Variants in ADAMTS19 observed in about 807,000 individuals in gnomAD.
ADAMTS19 encodes ADAM metallopeptidase with thrombospondin type 1 motif 19.
A neutral mutation model predicts 153.3 loss-of-function variants in ADAMTS19; 93 were observed. The ratio of observed to expected loss-of-function variants is 0.61; its 90% confidence interval spans 0.51 to 0.72. The LOEUF (loss-of-function observed/expected upper bound fraction) is 0.72. Ranked by LOEUF, ADAMTS19 falls within the 30% of genes least tolerant of loss-of-function variation. The pLI, the probability that ADAMTS19 is intolerant of heterozygous loss-of-function variation, is 0.00. For synonymous variants in ADAMTS19, 600 were observed against 556.6 expected (o/e 1.08, Z -1.10); for missense variants, 1,482 against 1,552.1 (o/e 0.95, Z 0.76).
intron 2 of ADAMTS19, among the ~76,000 whole-genome samples, chr5:129,472,538 G>A (rs923882446): frequency 3.9e-5 from 6 of 152,088 alleles, no homozygotes; most frequent in African/African-American, 7.2e-5. Context: ...TAATCAACAC[G>A]TTATACATGT....
At position 129,729,148 on chromosome 5, in the gene ADAMTS19, A is replaced by G. The variant is rs151188094; in HGVS notation, c.3313-5784A>G. 3.6e-3 allele frequency among the ~76,000 whole-genome samples: 553 copies of G among 152,204 alleles called. 3 individuals are homozygous for G. The highest frequency in any genetic ancestry group is 0.012 in the African/African-American group (498 of 41,562). On this transcript the variant is annotated intron_variant, in intron 21 of 22. Coordinates refer to ENST00000274487, the MANE Select transcript of ADAMTS19 (RefSeq NM_133638.6). Reference sequence around the variant, plus strand: ...ATCTACTACAATACCTTGTCTAACAAAAAGGAAAAATAAGTTTCAGGTAAA... The same window carrying G: ...ATCTACTACAATACCTTGTCTAACAGAAAGGAAAAATAAGTTTCAGGTAAA...
At chr5:129,608,092 G>A (rs1439511952) in intron 8 of ADAMTS19, among the ~76,000 whole-genome samples, 1 of 47,672 alleles carries the variant, frequency 2.1e-5, no homozygotes, top group African/African-American at 6.4e-5. Flanking sequence ...TTATATATAT[G>A]TGTGTGTGTG....
intron 8 of ADAMTS19, among the ~76,000 whole-genome samples, chr5:129,597,893 T>C (rs1357129215): frequency 1.6e-5 from 2 of 128,292 alleles, no homozygotes; most frequent in Non-Finnish European, 1.6e-5. Context: ...AGAGTGAGTC[T>C]CTATCTCAAA....
At chr5:129,505,569 C>G (rs1359986438) in intron 2 of ADAMTS19, among the ~76,000 whole-genome samples, 1 of 152,042 alleles carries the variant, frequency 6.6e-6, no homozygotes, top group African/African-American at 2.4e-5. Context: ...GTCAGCACAT[C>G]TACATGGAGA....
At chr5:129,719,760 G>T (rs1561668618) in intron 21 of ADAMTS19, among the ~76,000 whole-genome samples, 1 of 152,164 alleles carries the variant, frequency 6.6e-6, no homozygotes, top group African/African-American at 2.4e-5. Flanking sequence ...ACATTTATCA[G>T]CTGGGCGCAG....
intron 8 of ADAMTS19, among the ~76,000 whole-genome samples, chr5:129,611,894 C>G (rs1029807369): frequency 3.9e-5 from 6 of 152,224 alleles, no homozygotes; most frequent in Admixed American, 3.3e-4. Context: ...CAGCTGTTCT[C>G]TCCACAGAAA....
intron 7 of ADAMTS19, 122 bp downstream of exon 7, chr5:129,552,029 A>G: frequency 1.7e-6 from 1 of 598,620 alleles, no homozygotes; most frequent in Non-Finnish European, 2.8e-6. Context: ...TCAGACATAC[A>G]TATTTTCTAC....
chr5:129,652,795 T>G (rs769678269), intron 13 of ADAMTS19, among the ~76,000 whole-genome samples: 1 of 152,232 alleles, frequency 6.6e-6, no homozygotes, highest in Middle Eastern at 3.2e-3. Flanking sequence ...TGCTCTTCTC[T>G]TCAATGAAAA....
At chr5:129,692,707 CTA>C (rs769231322) in intron 18 of ADAMTS19, among the ~76,000 whole-genome samples, 39 of 152,226 alleles carry the variant, frequency 2.6e-4, no homozygotes, top group Non-Finnish European at 2.5e-4. Flanking sequence ...GGGGCCACCT[CTA>C]TGTGGAGGAT....
chr5:129,501,616 C>T lies in ADAMTS19; in HGVS notation c.748-7461C>T, dbSNP rs548850395. Among the ~76,000 whole-genome samples the T allele has an allele frequency of 1.6e-3, 236 of 152,164 alleles. 2 individuals are homozygous for T. Among genetic ancestry groups the T allele is most frequent in the African/African-American group, 5.3e-3 (219 of 41,522 alleles). ...CACAAAGGCAGTATGTGCTTGAAACCAGACAGCCTTTCATTTGAATCCTGT... is the reference window on the plus strand; with the variant it reads ...CACAAAGGCAGTATGTGCTTGAAACTAGACAGCCTTTCATTTGAATCCTGT... On this transcript the variant is annotated intron_variant, in intron 2 of 22. Coordinates refer to ENST00000274487, the MANE Select transcript of ADAMTS19 (RefSeq NM_133638.6).
At chr5:129,615,777 C>G (rs930675303) in intron 8 of ADAMTS19, among the ~76,000 whole-genome samples, 32 of 151,910 alleles carry the variant, frequency 2.1e-4, no homozygotes, top group African/African-American at 7.2e-4. Context: ...TGAAAAGGGG[C>G]AGATAAGTAA....
chr5:129,676,102 C>G (rs375685555), intron 16 of ADAMTS19, among the ~76,000 whole-genome samples: 1 of 152,022 alleles, frequency 6.6e-6, no homozygotes, highest in Non-Finnish European at 1.5e-5. Context: ...ATTCCTGGAC[C>G]TCTTTTTATT....
rs569861620 is a variant in ADAMTS19, at chr5:129,548,642, G to C, written c.1329-3222G>C. 6.4e-3 allele frequency among the ~76,000 whole-genome samples: 965 copies of C among 151,812 alleles called. 12 individuals carry two copies. Among genetic ancestry groups the C allele is most frequent in the African/African-American group, 0.022 (926 of 41,342 alleles). ...GCGATTCCTCAGGGATCTAGAACTA[G>C]AAATACCATTTGACCCAGCCATCCC... On this transcript the variant is annotated intron_variant, in intron 6 of 22. Transcript: ENST00000274487.
At chr5:129,481,882 A>G (rs1449534060) in intron 2 of ADAMTS19, among the ~76,000 whole-genome samples, 1 of 152,104 alleles carries the variant, frequency 6.6e-6, no homozygotes, top group East Asian at 1.9e-4. Context: ...TCTCCAGGAA[A>G]TTCCTTGAAG....
At chr5:129,506,596 T>C (rs143316666) in intron 2 of ADAMTS19, among the ~76,000 whole-genome samples, 51 of 152,152 alleles carry the variant, frequency 3.4e-4, no homozygotes, top group African/African-American at 1.1e-3. Flanking sequence ...GAAAATGTTA[T>C]GTAATGAAGA....
intron 6 of ADAMTS19, among the ~76,000 whole-genome samples, chr5:129,532,414 C>T (rs1488018893): frequency 1.3e-5 from 2 of 151,750 alleles, no homozygotes; most frequent in Non-Finnish European, 2.9e-5. Context: ...AAATTCACAC[C>T]CACTTGAAAG....
At chr5:129,602,294 T>G (rs536506346) in intron 8 of ADAMTS19, among the ~76,000 whole-genome samples, 68 of 152,318 alleles carry the variant, frequency 4.5e-4, no homozygotes, top group African/African-American at 1.6e-3. Flanking sequence ...TTTCTCCGTG[T>G]TGGTCGGGCT....
At chr5:129,536,296 A>C (rs1228868827) in intron 6 of ADAMTS19, among the ~76,000 whole-genome samples, 2 of 152,178 alleles carry the variant, frequency 1.3e-5, no homozygotes, top group Non-Finnish European at 2.9e-5. Context: ...ATGCAGCCAA[A>C]AGACACATGA....
At chr5:129,495,317 C>T (rs968687754) in intron 2 of ADAMTS19, among the ~76,000 whole-genome samples, 2 of 151,960 alleles carry the variant, frequency 1.3e-5, no homozygotes, top group African/African-American at 2.4e-5. Context: ...ACATTCATTG[C>T]CCTAATTTAG....
Sources: allele counts gnomAD v4.1 joint callset (sites outside exome capture counted in the v4.1 genomes callset), GRCh38; gene constraint gnomAD v4.1.1; transcripts MANE v1.5; gene names NCBI Gene and HGNC (gene_info 2026-07-23, HGNC 2026-07-21).